SNTG2: variants seen among roughly 807,000 people sequenced by gnomAD.
The protein encoded by SNTG2 is gamma-2-syntrophin.
Under a neutral mutation model 70.9 loss-of-function variants are expected in SNTG2, and 74 were observed. That is an observed-to-expected ratio of 1.04 (90% CI 0.86 to 1.27). The LOEUF (loss-of-function observed/expected upper bound fraction) is 1.27. Ranked by LOEUF, SNTG2 falls within the 50% of genes most tolerant of loss-of-function variation. SNTG2 has a pLI of 0.00. For synonymous variants in SNTG2, 278 were observed against 273.8 expected, an observed-to-expected ratio of 1.02 and a Z score of -0.15; for missense variants, 717 against 690.7, an observed-to-expected ratio of 1.04 and a Z score of -0.43.
chr2:997,919 G>A (rs1216661268), intron 1 of SNTG2, among the ~76,000 whole-genome samples: 2 of 152,184 alleles, frequency 1.3e-5, no homozygotes, highest in African/African-American at 4.8e-5. Context: ...CAAGCGAACA[G>A]CACAAAGAAG....
At chr2:1,031,528 A>ATATATATATATATT in intron 1 of SNTG2, among the ~76,000 whole-genome samples, 2 of 59,120 alleles carry the variant, frequency 3.4e-5, no homozygotes, top group African/African-American at 1.7e-4. Flanking sequence ...ATATATATAT[A>ATATATATATATATT]TTTTTTTTTT....
chr2:1,069,705 C>T (rs1178592292), intron 1 of SNTG2, among the ~76,000 whole-genome samples: 7 of 152,050 alleles, frequency 4.6e-5, no homozygotes, highest in African/African-American at 1.2e-4. Flanking sequence ...GCAAGAGAAT[C>T]GCTTGAACCC....
At chr2:1,347,699 G>A (rs1660367853) in intron 16 of SNTG2, among the ~76,000 whole-genome samples, 1 of 152,146 alleles carries the variant, frequency 6.6e-6, no homozygotes, top group Non-Finnish European at 1.5e-5. Context: ...CCCAACCCTG[G>A]GAAGAGAAAA....
chr2:1,199,982 C>T (rs926246276), intron 8 of SNTG2, among the ~76,000 whole-genome samples: 9 of 151,880 alleles, frequency 5.9e-5, no homozygotes, highest in Non-Finnish European at 1.3e-4. Flanking sequence ...ATAAAAATAC[C>T]AATAAAATTC....
intron 8 of SNTG2, among the ~76,000 whole-genome samples, chr2:1,198,131 A>C (rs1673043443): frequency 6.6e-6 from 1 of 152,168 alleles, no homozygotes; most frequent in South Asian, 2.1e-4. Context: ...AATTTATAAG[A>C]ATGAAAACTA....
intron 1 of SNTG2, 61 bp from the exon 2 acceptor site, chr2:1,083,457 A>G (rs4971431): frequency 0.8 from 1,276,825 of 1,594,802 alleles, 512,484 homozygotes; most frequent in Admixed American, 0.9. Flanking sequence ...TGCGTCACCT[A>G]TCCCCACCCC....
chr2:1,103,500 G>A (rs1665924261), intron 4 of SNTG2: 1 of 193,034 alleles, frequency 5.2e-6, no homozygotes. Context: ...TGATTCTCCT[G>A]TGCCTCAGCC....
intron 1 of SNTG2, among the ~76,000 whole-genome samples, chr2:1,018,423 G>A (rs961509162): frequency 6.6e-6 from 1 of 152,134 alleles, no homozygotes; most frequent in Non-Finnish European, 1.5e-5. Context: ...ACCATGGTGG[G>A]CCCTCCAGGA....
intron 2 of SNTG2, among the ~76,000 whole-genome samples, chr2:1,095,641 A>G (rs1413789611): frequency 6.6e-6 from 1 of 152,178 alleles, no homozygotes; most frequent in Non-Finnish European, 1.5e-5. Flanking sequence ...CCTGACATGT[A>G]TAAGTGAGTC....
chr2:1,171,549 C>T (rs1671124409), intron 7 of SNTG2, among the ~76,000 whole-genome samples: 1 of 152,188 alleles, frequency 6.6e-6, no homozygotes, highest in Non-Finnish European at 1.5e-5. Context: ...GGTGCTGTCT[C>T]AACAACCCTG....
At chr2:1,120,435 T>G (rs927171946) in intron 4 of SNTG2, among the ~76,000 whole-genome samples, 2 of 152,116 alleles carry the variant, frequency 1.3e-5, no homozygotes, top group African/African-American at 4.8e-5. Context: ...TTGATTACAT[T>G]CTCCCATCAA....
At chr2:1,158,025 C>T (rs1670017710) in intron 6 of SNTG2, among the ~76,000 whole-genome samples, 1 of 152,170 alleles carries the variant, frequency 6.6e-6, no homozygotes, top group Admixed American at 6.5e-5. Context: ...ATCCTGTAGA[C>T]ATGCCTAGCA....
Position 1,313,926 on chromosome 2 carries a change from C to A in SNTG2, c.1378-2339C>A, listed in dbSNP as rs143915069. 3.9e-5 allele frequency among the ~76,000 whole-genome samples: 6 copies of A among 152,250 alleles called. No individual in the cohort carries two copies. The East Asian group carries it at 1.2e-3, about 29-fold the overall frequency. ...TGAGGAAGGGTTATTCTCAAATCTG[C>A]AAATATTGAGTACAGTTGCAGTGCA... On this transcript the variant is annotated intron_variant, in intron 15 of 16. Transcript: ENST00000308624.
At chr2:1,190,037 C>G (rs557572752) in intron 8 of SNTG2, among the ~76,000 whole-genome samples, 1 of 151,954 alleles carries the variant, frequency 6.6e-6, no homozygotes, top group South Asian at 2.1e-4. Flanking sequence ...AAAGACTGTT[C>G]ATCTTAAAAA....
At chr2:1,136,907 G>A (rs1668422142) in intron 4 of SNTG2, among the ~76,000 whole-genome samples, 1 of 152,132 alleles carries the variant, frequency 6.6e-6, no homozygotes, top group African/African-American at 2.4e-5. Context: ...GTCTCTGTAC[G>A]TTTGCTTATG....
chr2:1,209,596 T>A (rs1489482393), intron 9 of SNTG2, among the ~76,000 whole-genome samples: 1 of 152,226 alleles, frequency 6.6e-6, no homozygotes, highest in African/African-American at 2.4e-5. Flanking sequence ...AAATGCCACT[T>A]AAACTCTGTG....
intron 4 of SNTG2, among the ~76,000 whole-genome samples, chr2:1,122,616 A>G (rs1282664473): frequency 6.6e-6 from 1 of 152,086 alleles, no homozygotes; most frequent in Non-Finnish European, 1.5e-5. Flanking sequence ...ATTATAATCA[A>G]TATGAACAAA....
At chr2:1,007,028 CAAATAAAT>C (rs140776493) in intron 1 of SNTG2, among the ~76,000 whole-genome samples, 25 of 61,426 alleles carry the variant, frequency 4.1e-4, no homozygotes, top group Middle Eastern at 0.013. Flanking sequence ...AACTCCATCT[CAAATAAAT>C]AAATAAATAA....
At chr2:1,134,966 G>T (rs6743683) in intron 4 of SNTG2, among the ~76,000 whole-genome samples, 2 of 152,004 alleles carry the variant, frequency 1.3e-5, no homozygotes, top group East Asian at 3.9e-4. Flanking sequence ...GCTGGCCAGG[G>T]GGCTAAGCCC....
Sources: gnomAD v4.1 joint callset for allele counts (sites outside exome capture counted in the v4.1 genomes callset) on GRCh38, gnomAD v4.1.1 for gene constraint, MANE v1.5 for transcripts, NCBI Gene and HGNC (gene_info 2026-07-23, HGNC 2026-07-21) for gene names.